Variants in HLA-DMB observed in about 807,000 individuals in gnomAD.
The protein encoded by HLA-DMB is HLA class II histocompatibility antigen, DM beta chain.
In HLA-DMB, 18 loss-of-function variants were observed where a neutral mutation model predicts 29.3. That is an observed-to-expected ratio of 0.62 (90% CI 0.43 to 0.91). The LOEUF (loss-of-function observed/expected upper bound fraction) is 0.91, where lower values mean the gene tolerates loss of function less well. HLA-DMB is among the 40% of genes least tolerant of loss of function. The probability of loss-of-function intolerance (pLI) is 0.00; values close to 1 mark genes in which losing one functional copy is unlikely to be tolerated. For missense variants in HLA-DMB, 258 were observed against 320.9 expected, an observed-to-expected ratio of 0.80 and a Z score of 1.50; for synonymous variants, 143 against 128.7, an observed-to-expected ratio of 1.11 and a Z score of -0.75.
intron 1 of HLA-DMB, among the ~76,000 whole-genome samples, chr6:32,940,043 TAA>T (rs546191235): frequency 2.1e-4 from 28 of 131,872 alleles, no homozygotes; most frequent in Non-Finnish European, 2.3e-4. Flanking sequence ...TTGGTATGAG[TAA>T]AAAAAAAAAA....
At chr6:32,940,614 C>T in intron 1 of HLA-DMB, 139 bp downstream of exon 1, 2 of 586,600 alleles carry the variant, frequency 3.4e-6, no homozygotes, top group Non-Finnish European at 6.1e-6. Context: ...ATTAAAATTG[C>T]TACAAAGTAC....
rs1776323800 is a variant in HLA-DMB, at chr6:32,940,920, T to G, written c.-113A>C. On this transcript the variant is annotated 5_prime_UTR_variant, in exon 1 of 6. Transcript: ENST00000418107. Reference sequence around the variant, plus strand: ...GCCTGGGTAGATGATCTCCAGACACTGAGCAGAATACTATATTGCCCGGGT... The same window carrying G: ...GCCTGGGTAGATGATCTCCAGACACGGAGCAGAATACTATATTGCCCGGGT... 1 of 754,694 alleles carries G rather than the reference T, an allele frequency of 1.3e-6. No homozygotes were observed. The highest frequency in any genetic ancestry group is 2.3e-5 in the Admixed American group (1 of 44,032). The allele number at this position is 754,694 out of a possible 1,614,324, so 46.7% of individuals were successfully genotyped here.
chr6:32,940,925 A>C lies in HLA-DMB; in HGVS notation c.-118T>G. ...GGTAGATGATCTCCAGACACTGAGC[A>C]GAATACTATATTGCCCGGGTCCCTT... On this transcript the variant is annotated 5_prime_UTR_variant, in exon 1 of 6. Coordinates refer to ENST00000418107, the MANE Select transcript of HLA-DMB (RefSeq NM_002118.5). The C allele has an allele frequency of 1.4e-6, 1 of 714,536 alleles. No individual in the cohort carries two copies. The highest frequency in any genetic ancestry group is 2.4e-6 in the Non-Finnish European group (1 of 416,288). 44.3% of individuals were successfully genotyped at this position (714,536 alleles called of 1,614,324 possible). A position where few individuals can be genotyped will look rare whatever the true frequency, so the allele number is the denominator to read the frequency against.
chr6:32,937,277 T>A lies in HLA-DMB; in HGVS notation c.517A>T (p.Thr173Ser), dbSNP rs1776062638. Residue 173 changes from threonine to serine, a missense_variant, in exon 3 of 6, where the codon ACA becomes TCA. Coordinates refer to ENST00000418107, the MANE Select transcript of HLA-DMB (RefSeq NM_002118.5). This position sits in a 1 kb window ranked among gnomAD's most constrained non-coding sequence, Gnocchi z 4.1. ...HKTAQPNGDW[T>S]YQTLSHLALT... ...GCTAAATGGGAGAGGGTCTGGTATG[T>A]CCAGTCTCCATTGGGCTGGGCAGTC... The A allele has an allele frequency of 6.2e-7, 1 of 1,614,004 alleles. No individual in the cohort carries two copies. The highest frequency in any genetic ancestry group is 1.3e-5 in the African/African-American group (1 of 74,920).
chr6:32,936,833 C>G, intron 3 of HLA-DMB: 1 of 232,088 alleles, frequency 4.3e-6, no homozygotes, highest in Non-Finnish European at 8.3e-6. Flanking sequence ...AGCCTCATTT[C>G]AAAGCAAGCA....
chr6:32,935,042 G>A (rs779280356), intron 5 of HLA-DMB, 55 bp from the exon 6 acceptor site: 14 of 1,597,444 alleles, frequency 8.8e-6, no homozygotes, highest in Middle Eastern at 3.3e-4. Flanking sequence ...TGCCCCCATC[G>A]TTTGTCACTG....
In HLA-DMB at chr6:32,938,545, G is replaced by A. The variant is rs575789441; in HGVS notation, c.337+139C>T. 3.5e-5 allele frequency: 30 copies of A among 866,148 alleles called. No individual in the cohort carries two copies. In the Admixed American group the frequency reaches 6.6e-4, roughly 19 times the overall value. The allele number at this position is 866,148 out of a possible 1,614,324, so 53.7% of individuals were successfully genotyped here. The stretch of plus-strand genomic sequence containing the variant: ...TGTTCCCCTTGAGGTTCAATCCTCC[G>A]TCTTTCTACATTTCAGATCCACACA... On this transcript the variant is annotated intron_variant, in intron 2 of 5. Transcript: ENST00000418107.
intron 3 of HLA-DMB, chr6:32,935,955 A>C: frequency 2.4e-6 from 1 of 420,544 alleles, no homozygotes; most frequent in Non-Finnish European, 4.3e-6. Context: ...CCCCAAAGCC[A>C]CCCTTATCAG....
intron 3 of HLA-DMB, 145 bp from the exon 4 acceptor site, chr6:32,935,797 A>G: frequency 3.2e-6 from 2 of 625,240 alleles, no homozygotes; most frequent in Non-Finnish European, 5.8e-6. Context: ...TCCCAAGAAA[A>G]TGATCTTTCT....
chr6:32,940,827 C>T lies in HLA-DMB; in HGVS notation c.-20G>A. ...GATCATGCTCTGCTCTGTAAAGATG[C>T]CGGGAGTTCAGTCCCCTGGACCAGC... On this transcript the variant is annotated 5_prime_UTR_variant, in exon 1 of 6. Transcript: ENST00000418107. 1 of 1,580,606 alleles carries T rather than the reference C, an allele frequency of 6.3e-7. No individual in the cohort carries two copies. Among genetic ancestry groups the T allele is most frequent in the Non-Finnish European group, 8.6e-7 (1 of 1,163,776 alleles).
chr6:32,939,860 G>C (rs1411421529), intron 1 of HLA-DMB, among the ~76,000 whole-genome samples: 1 of 152,148 alleles, frequency 6.6e-6, no homozygotes, highest in Non-Finnish European at 1.5e-5. Context: ...CTGATTTGTA[G>C]GCAAGTTGGA....
At chr6:32,936,712 C>T (rs1776019927) in intron 3 of HLA-DMB, 1 of 154,378 alleles carries the variant, frequency 6.5e-6, no homozygotes, top group Non-Finnish European at 1.4e-5. Flanking sequence ...CTTCAACCTT[C>T]ATCATTCCTT....
chr6:32,935,460 A>C, intron 4 of HLA-DMB, 76 bp downstream of exon 4: 1 of 1,508,866 alleles, frequency 6.6e-7, no homozygotes, highest in South Asian at 1.1e-5. Context: ...AGTAGGAAGG[A>C]GAGAGTTAAT....
intron 5 of HLA-DMB, 158 bp downstream of exon 5, chr6:32,935,184 C>T: frequency 1.2e-6 from 1 of 834,122 alleles, no homozygotes. Context: ...CCTTCCTGCT[C>T]TTAATCCTAG....
At chr6:32,935,248 A>G in intron 5 of HLA-DMB, 94 bp downstream of exon 5, 3 of 1,047,586 alleles carry the variant, frequency 2.9e-6, no homozygotes, top group South Asian at 2.6e-5. Flanking sequence ...GCTCACCCAT[A>G]TAATAATCAA....
Position 32,934,670 on chromosome 6 carries a change from C to A in HLA-DMB, c.*301G>T. ...AAGTTTATTTCTCTGAAACAATCAC[C>A]AGTTGCTGTCCTCTATGGCACACTG... On this transcript the variant is annotated 3_prime_UTR_variant, in exon 6 of 6. Coordinates refer to ENST00000418107, the MANE Select transcript of HLA-DMB (RefSeq NM_002118.5). The A allele has an allele frequency of 2.5e-6, 1 of 407,078 alleles. No individual in the cohort carries two copies. Among genetic ancestry groups the A allele is most frequent in the South Asian group, 5.6e-5 (1 of 17,798 alleles). 25.2% of individuals were successfully genotyped at this position (407,078 alleles called of 1,614,324 possible). A position where few individuals can be genotyped will look rare whatever the true frequency, so the allele number is the denominator to read the frequency against.
intron 2 of HLA-DMB, 44 bp downstream of exon 2, chr6:32,938,640 T>TA: frequency 2.1e-6 from 3 of 1,441,594 alleles, no homozygotes; most frequent in Non-Finnish European, 2.7e-6. Flanking sequence ...CCTGCCCTCC[T>TA]AACTGCACTT....
chr6:32,935,017 G>A (rs1775916996), intron 5 of HLA-DMB, 30 bp from the exon 6 acceptor site: 2 of 1,612,334 alleles, frequency 1.2e-6, no homozygotes, highest in East Asian at 4.5e-5. Context: ...GAGATAATGA[G>A]GCTTCAACCC....
rs1561856722 is a variant in HLA-DMB at position 32,934,708 on chromosome 6, G to A, written c.*263C>T. ...CTATGGCACACTGAGAGCCCCAGGA[G>A]GGTCTTTAACTCCCTTCCTCAGATT... On this transcript the variant is annotated 3_prime_UTR_variant, in exon 6 of 6. Transcript: ENST00000418107. 3.7e-6 allele frequency: 2 copies of A among 545,618 alleles called. No individual in the cohort carries two copies. The highest frequency in any genetic ancestry group is 3.2e-5 in the Admixed American group (1 of 30,890). The allele number at this position is 545,618 out of a possible 1,614,324, so 33.8% of individuals were successfully genotyped here.
Sources: allele counts gnomAD v4.1 joint callset (sites outside exome capture counted in the v4.1 genomes callset), GRCh38; gene constraint gnomAD v4.1.1; non-coding constraint Gnocchi (gnomAD v3.1); transcripts MANE v1.5; gene names NCBI Gene and HGNC (gene_info 2026-07-23, HGNC 2026-07-21).